ZC4H2: variants seen among roughly 807,000 people sequenced by gnomAD.
ZC4H2 encodes the protein zinc finger C4H2-type containing, also known as zinc finger C4H2 domain-containing protein.
For missense variants in ZC4H2, 137 were observed against 173.9 expected, an observed-to-expected ratio of 0.79 and a Z score of 1.19; for synonymous variants, 84 against 66.3, an observed-to-expected ratio of 1.27 and a Z score of -1.30.
At chrX:64,985,111 G>A (rs941582593) in intron 1 of ZC4H2, among the ~76,000 whole-genome samples, 2 of 112,053 alleles carry the variant, frequency 1.8e-5, no homozygotes, top group East Asian at 2.8e-4. Flanking sequence ...TAGACACTTC[G>A]GTTGGTTCCA....
chrX:64,957,467 T>C (rs1020969108), intron 1 of ZC4H2, among the ~76,000 whole-genome samples: 1 of 112,442 alleles, frequency 8.9e-6, no homozygotes, highest in African/African-American at 3.2e-5. Context: ...TGTACAGCTG[T>C]ACAAAAATAT....
chrX:64,933,494 T>A (rs1348539240), intron 1 of ZC4H2, among the ~76,000 whole-genome samples: 1 of 111,747 alleles, frequency 8.9e-6, no homozygotes, highest in Admixed American at 9.5e-5. Flanking sequence ...AATCAAATTG[T>A]TCTTGAATTT....
At chrX:64,945,854 C>G (rs1025489650) in intron 1 of ZC4H2, among the ~76,000 whole-genome samples, 35 of 111,172 alleles carry the variant, frequency 3.1e-4, no homozygotes, top group Non-Finnish European at 4.5e-4. Flanking sequence ...TAAGTCAGAA[C>G]TTCCTGGTGG....
At chrX:64,959,555 TA>T (rs2147401763) in intron 1 of ZC4H2, among the ~76,000 whole-genome samples, 1 of 108,334 alleles carries the variant, frequency 9.2e-6, no homozygotes, top group South Asian at 4.2e-4. Context: ...AGATTATTTT[TA>T]TCAGACTTTT....
intron 1 of ZC4H2, among the ~76,000 whole-genome samples, chrX:64,930,330 T>C (rs1182390428): frequency 4.5e-5 from 5 of 111,884 alleles, no homozygotes; most frequent in Non-Finnish European, 9.4e-5. Flanking sequence ...ACATTTTGAC[T>C]TCCACTTTTC....
At chrX:64,956,652 T>C (rs1437434926) in intron 1 of ZC4H2, among the ~76,000 whole-genome samples, 2 of 111,877 alleles carry the variant, frequency 1.8e-5, no homozygotes, top group Non-Finnish European at 3.8e-5. Flanking sequence ...TGGGAGGCCA[T>C]TGTTTTGGAC....
intron 1 of ZC4H2, among the ~76,000 whole-genome samples, chrX:64,945,828 C>T (rs772903787): frequency 2.3e-4 from 26 of 111,053 alleles, no homozygotes; most frequent in Non-Finnish European, 4.5e-4. Context: ...CTTTGCTGTG[C>T]TATGATGGTT....
intron 1 of ZC4H2, among the ~76,000 whole-genome samples, chrX:64,944,469 T>C (rs1930440636): frequency 9.0e-6 from 1 of 111,656 alleles, no homozygotes; most frequent in Non-Finnish European, 1.9e-5. Flanking sequence ...GATGGGCTTC[T>C]TTTGTTGGTA....
intron 1 of ZC4H2, among the ~76,000 whole-genome samples, chrX:64,947,415 G>A (rs1158351672): frequency 8.9e-6 from 1 of 112,119 alleles, no homozygotes; most frequent in Admixed American, 9.5e-5. Flanking sequence ...AATGTTGATA[G>A]AGGTATGTTG....
chrX:64,945,125 C>T lies in ZC4H2; in HGVS notation c.54-23137G>A, dbSNP rs190496261. 6.7e-4 allele frequency among the ~76,000 whole-genome samples: 76 copies of T among 112,807 alleles called. 1 individual carries two copies. In the East Asian group the frequency reaches 0.01, roughly 15 times the overall value. ...CCATCCAGTTTCGTGCCCTTGCTGG[C>T]GAGGAGTTGTGATCCTTTGTAGGAG... On this transcript the variant is annotated intron_variant, in intron 1 of 4. Coordinates refer to ENST00000374839, the MANE Select transcript of ZC4H2 (RefSeq NM_018684.4).
At chrX:64,957,741 G>C in intron 1 of ZC4H2, among the ~76,000 whole-genome samples, 1 of 109,836 alleles carries the variant, frequency 9.1e-6, no homozygotes, top group African/African-American at 3.3e-5. Flanking sequence ...GCATGCCTGT[G>C]GTCCTAGCTA....
chrX:64,962,082 T>A (rs1223613248), intron 1 of ZC4H2, among the ~76,000 whole-genome samples: 4 of 111,270 alleles, frequency 3.6e-5, no homozygotes. Flanking sequence ...ACTACCCTAA[T>A]AATAAAGCTA....
chrX:64,940,500 A>C (rs1930228226), intron 1 of ZC4H2, among the ~76,000 whole-genome samples: 1 of 111,766 alleles, frequency 8.9e-6, no homozygotes, highest in Non-Finnish European at 1.9e-5. Context: ...CCTGAATGGT[A>C]CTGCCTGGGT....
At position 64,920,179 on chromosome X, in the gene ZC4H2, C is replaced by T; in HGVS notation, c.300G>A (p.Glu100=). ...LLESTRRLHD[E]YKPLKEHVDA... ...CCACATGTTCTTTCAGTGGCTTATA[C>T]TCATCATGCAGCCTCCTTGTAGACT... The change falls in exon 3 of 5, where the codon GAG becomes GAA. Residue 100 remains glutamate (E), a synonymous_variant. Transcript: ENST00000374839. The T allele has an allele frequency of 8.3e-7, 1 of 1,211,662 alleles. No individual in the cohort carries two copies. Among genetic ancestry groups the T allele is most frequent in the African/African-American group, 1.7e-5 (1 of 57,760 alleles).
chrX:64,993,818 G>A (rs1221555234), intron 1 of ZC4H2, among the ~76,000 whole-genome samples: 1 of 111,923 alleles, frequency 8.9e-6, no homozygotes, highest in African/African-American at 3.2e-5. Context: ...GAGCACTTAT[G>A]TGCAAACACT....
At chrX:65,026,795 A>G (rs1249727721) in intron 1 of ZC4H2, among the ~76,000 whole-genome samples, 5 of 111,942 alleles carry the variant, frequency 4.5e-5, no homozygotes, top group Admixed American at 2.8e-4. Context: ...GCTTCAAGGA[A>G]TAAGCTGCAG....
intron 1 of ZC4H2, among the ~76,000 whole-genome samples, chrX:64,940,597 G>C (rs1930235550): frequency 9.0e-6 from 1 of 111,562 alleles, no homozygotes; most frequent in Non-Finnish European, 1.9e-5. Flanking sequence ...AAGGGGTCCA[G>C]TTTCAGTTTT....
intron 1 of ZC4H2, among the ~76,000 whole-genome samples, chrX:65,003,660 G>A (rs951570540): frequency 4.5e-5 from 5 of 110,642 alleles, no homozygotes; most frequent in Non-Finnish European, 9.5e-5. Flanking sequence ...GGCGAATCCC[G>A]AGGTCAGGAG....
chrX:64,941,811 T>C (rs955198457), intron 1 of ZC4H2, among the ~76,000 whole-genome samples: 4 of 111,862 alleles, frequency 3.6e-5, no homozygotes, highest in African/African-American at 6.5e-5. Context: ...TTCTCATTGA[T>C]GTTAATCAGC....
Sources: gnomAD v4.1 joint callset for allele counts (sites outside exome capture counted in the v4.1 genomes callset) on GRCh38, gnomAD v4.1.1 for gene constraint, MANE v1.5 for transcripts, NCBI Gene and HGNC (gene_info 2026-07-23, HGNC 2026-07-21) for gene names.